Variants in GPC6 observed in about 807,000 individuals in gnomAD.
GPC6 encodes the protein glypican-6.
In GPC6, 14 loss-of-function variants were observed where a neutral mutation model predicts 55.2. The ratio of observed to expected loss-of-function variants is 0.25; its 90% CI spans 0.17 to 0.40. GPC6 has a LOEUF of 0.40. GPC6 is among the 10% of genes least tolerant of loss of function. GPC6 has a pLI of 1.00. For synonymous variants in GPC6, 278 were observed against 259.6 expected, an observed-to-expected ratio of 1.07 and a Z score of -0.68; for missense variants, 641 against 708.5, an observed-to-expected ratio of 0.90 and a Z score of 1.08.
upstream of GPC6, among the ~76,000 whole-genome samples, chr13:93,223,571 G>A (rs530809398): frequency 6.6e-6 from 1 of 152,102 alleles, no homozygotes; most frequent in South Asian, 2.1e-4. Context: ...AGCCTCCCAA[G>A]TAGCTGGGAC....
At chr13:93,567,838 C>G (rs1876211389) in intron 2 of GPC6, among the ~76,000 whole-genome samples, 1 of 151,938 alleles carries the variant, frequency 6.6e-6, no homozygotes, top group South Asian at 2.1e-4. Context: ...CTTTTTAGAC[C>G]TAGTTATTCT....
At chr13:93,987,069 T>C (rs868036988) in intron 3 of GPC6, among the ~76,000 whole-genome samples, 26 of 152,160 alleles carry the variant, frequency 1.7e-4, no homozygotes, top group Middle Eastern at 3.2e-3. Flanking sequence ...TAACTTAACC[T>C]TCAGTTTTTT....
intron 1 of GPC6, among the ~76,000 whole-genome samples, chr13:93,446,024 A>G (rs191895166): frequency 6.6e-6 from 1 of 152,346 alleles, no homozygotes; most frequent in East Asian, 1.9e-4. Flanking sequence ...TAGTGTTTTT[A>G]GTAATCATGC....
intron 1 of GPC6, among the ~76,000 whole-genome samples, chr13:93,440,078 A>G (rs1877730613): frequency 6.6e-6 from 1 of 152,252 alleles, no homozygotes; most frequent in South Asian, 2.1e-4. Context: ...GGAATCAATA[A>G]GTGAGTTAAT....
intron 3 of GPC6, among the ~76,000 whole-genome samples, chr13:93,847,257 A>G (rs1006129624): frequency 2.6e-5 from 4 of 152,248 alleles, no homozygotes; most frequent in Non-Finnish European, 4.4e-5. Flanking sequence ...GAGGAGACGC[A>G]TTAATACAGG....
chr13:94,055,800 A>T (rs1884112111), intron 4 of GPC6, among the ~76,000 whole-genome samples: 1 of 152,194 alleles, frequency 6.6e-6, no homozygotes. Flanking sequence ...TTTCCTAAAA[A>T]AAACAAAAAG....
intron 2 of GPC6, among the ~76,000 whole-genome samples, chr13:93,725,589 A>G (rs1594403888): frequency 6.6e-6 from 1 of 152,060 alleles, no homozygotes; most frequent in Non-Finnish European, 1.5e-5. Context: ...CCCGGTAAAG[A>G]TTTGGTCAGT....
At chr13:93,222,116 T>C (rs1875642755), upstream of GPC6, among the ~76,000 whole-genome samples, 2 of 152,222 alleles carry the variant, frequency 1.3e-5, no homozygotes, top group South Asian at 2.1e-4. Flanking sequence ...CCAATTGTTT[T>C]ACTTACATGA....
At chr13:93,291,031 A>G (rs555667845) in intron 1 of GPC6, among the ~76,000 whole-genome samples, 35 of 152,298 alleles carry the variant, frequency 2.3e-4, no homozygotes, top group African/African-American at 8.2e-4. Context: ...AACTCATCAA[A>G]GCATCGTCTA....
At chr13:94,230,240 C>G (rs1323630128) in intron 4 of GPC6, among the ~76,000 whole-genome samples, 1 of 152,238 alleles carries the variant, frequency 6.6e-6, no homozygotes, top group Non-Finnish European at 1.5e-5. Flanking sequence ...TGGAACTGCT[C>G]TTCTTATTTT....
chr13:94,052,230 T>C (rs1319390531), intron 4 of GPC6, among the ~76,000 whole-genome samples: 1 of 152,130 alleles, frequency 6.6e-6, no homozygotes, highest in Non-Finnish European at 1.5e-5. Flanking sequence ...TTGAACTGGG[T>C]CTTAAAATAT....
At chr13:93,748,070 A>C (rs889354794) in intron 2 of GPC6, among the ~76,000 whole-genome samples, 5 of 152,190 alleles carry the variant, frequency 3.3e-5, no homozygotes, top group African/African-American at 1.2e-4. Flanking sequence ...CTTCTGATTG[A>C]CTGTCTTTTA....
At chr13:94,354,569 G>T (rs539794183) in intron 6 of GPC6, among the ~76,000 whole-genome samples, 7 of 152,320 alleles carry the variant, frequency 4.6e-5, no homozygotes, top group Non-Finnish European at 8.8e-5. Context: ...AATAGCCGAA[G>T]AATTCAACTA....
chr13:93,444,192 CTTCT>C (rs1345712093), intron 1 of GPC6, among the ~76,000 whole-genome samples: 1 of 57,982 alleles, frequency 1.7e-5, no homozygotes, highest in African/African-American at 4.5e-5. Context: ...AAATGCAATT[CTTCT>C]TTTTTTTTTT....
intron 2 of GPC6, among the ~76,000 whole-genome samples, chr13:93,698,526 C>T (rs552813071): frequency 2.0e-5 from 1 of 50,224 alleles, no homozygotes; most frequent in Non-Finnish European, 3.7e-5. Flanking sequence ...CAGGTTAGGG[C>T]GTTTGTTATT....
At chr13:93,458,926 C>G (rs1169675402) in intron 1 of GPC6, among the ~76,000 whole-genome samples, 1 of 152,240 alleles carries the variant, frequency 6.6e-6, no homozygotes, top group African/African-American at 2.4e-5. Context: ...TGAATTTGGA[C>G]AGAAGCCATT....
intron 4 of GPC6, among the ~76,000 whole-genome samples, chr13:94,099,589 A>G (rs909028838): frequency 2.0e-5 from 3 of 152,162 alleles, no homozygotes; most frequent in Admixed American, 2.0e-4. Context: ...CTAGTTTTTT[A>G]TTAAAAGGTA....
At chr13:94,227,870 GA>G (rs1890607457) in intron 4 of GPC6, among the ~76,000 whole-genome samples, 1 of 152,122 alleles carries the variant, frequency 6.6e-6, no homozygotes. Context: ...GAGCCCTGGA[GA>G]GTCTCATACC....
chr13:93,302,450 T>C (rs1170481537), intron 1 of GPC6, among the ~76,000 whole-genome samples: 1 of 152,226 alleles, frequency 6.6e-6, no homozygotes, highest in Non-Finnish European at 1.5e-5. Flanking sequence ...AATAGCACTT[T>C]GTATTCAGTG....
Sources: allele counts gnomAD v4.1 joint callset (sites outside exome capture counted in the v4.1 genomes callset), GRCh38; gene constraint gnomAD v4.1.1; transcripts MANE v1.5; gene names NCBI Gene and HGNC (gene_info 2026-07-23, HGNC 2026-07-21).